The following ADAMTS6 variants were observed in gnomAD, a reference collection of about 807,000 sequenced individuals.
ADAMTS6 encodes the protein ADAM metallopeptidase with thrombospondin type 1 motif 6, also known as A disintegrin and metalloproteinase with thrombospondin motifs 6.
Under a neutral mutation model 144.3 loss-of-function variants are expected in ADAMTS6, and 23 were observed. The ratio of observed to expected loss-of-function variants is 0.16; its 90% CI spans 0.11 to 0.23. ADAMTS6 has a LOEUF of 0.23. Ranked by LOEUF, ADAMTS6 falls within the 10% of genes least tolerant of loss-of-function variation. ADAMTS6 has a pLI of 1.00. For synonymous variants in ADAMTS6, 444 were observed against 457.5 expected (o/e 0.97, Z 0.38); for missense variants, 999 against 1,379.6 (o/e 0.72, Z 4.37).
At chr5:65,333,865 A>C (rs1422016625) in intron 8 of ADAMTS6, among the ~76,000 whole-genome samples, 177 bp downstream of exon 8, 1 of 151,338 alleles carries the variant, frequency 6.6e-6, no homozygotes, top group Non-Finnish European at 1.5e-5. Context: ...TTTCCTAGTA[A>C]ATGACATATC....
intron 7 of ADAMTS6, among the ~76,000 whole-genome samples, chr5:65,357,307 C>T (rs1749408894): frequency 1.3e-5 from 2 of 151,730 alleles, no homozygotes; most frequent in Admixed American, 6.6e-5. Flanking sequence ...CACATTCTTA[C>T]ATTTGTAAGA....
intron 14 of ADAMTS6, among the ~76,000 whole-genome samples, chr5:65,256,899 C>T (rs958439945): frequency 6.6e-6 from 1 of 151,626 alleles, no homozygotes; most frequent in Non-Finnish European, 1.5e-5. Flanking sequence ...GAGATTCACA[C>T]CGTTCATCCA....
At chr5:65,426,164 G>A (rs574541858) in intron 7 of ADAMTS6, among the ~76,000 whole-genome samples, 3 of 150,408 alleles carry the variant, frequency 2.0e-5, no homozygotes, top group African/African-American at 4.9e-5. Flanking sequence ...CTCCTGCCTC[G>A]GCCTCCCAAG....
At chr5:65,251,294 G>C (rs7713380) in intron 14 of ADAMTS6, 1 of 151,964 alleles carries the variant, frequency 6.6e-6, no homozygotes, top group Non-Finnish European at 1.5e-5. Flanking sequence ...ATCTCTATGT[G>C]CAAAAACGAG....
At chr5:65,467,908 A>G (rs906086849) in intron 3 of ADAMTS6, among the ~76,000 whole-genome samples, 4 of 152,226 alleles carry the variant, frequency 2.6e-5, no homozygotes, top group Admixed American at 6.5e-5. Flanking sequence ...AATTAATTAA[A>G]TGGCTCCATG....
intron 9 of ADAMTS6, 129 bp from the exon 10 acceptor site, chr5:65,300,260 CTA>C: frequency 1.3e-6 from 1 of 748,746 alleles, no homozygotes; most frequent in Non-Finnish European, 2.1e-6. Flanking sequence ...GCCAGATCCT[CTA>C]AAGAAATTTA....
chr5:65,419,174 A>C (rs1034016628), intron 7 of ADAMTS6, among the ~76,000 whole-genome samples: 2 of 152,234 alleles, frequency 1.3e-5, no homozygotes, highest in Non-Finnish European at 2.9e-5. Context: ...GACTGGATAA[A>C]GAAAATGTGG....
chr5:65,176,916 G>T (rs957328450), intron 22 of ADAMTS6, among the ~76,000 whole-genome samples: 2 of 152,196 alleles, frequency 1.3e-5, no homozygotes, highest in Non-Finnish European at 2.9e-5. Flanking sequence ...AAAGTCCACT[G>T]CTGATGTCCC....
chr5:65,174,493 C>T (rs1457098083), intron 22 of ADAMTS6, among the ~76,000 whole-genome samples: 1 of 152,160 alleles, frequency 6.6e-6, no homozygotes, highest in Non-Finnish European at 1.5e-5. Context: ...GGCAGGCCCC[C>T]GTGGACGATC....
At chr5:65,219,463 C>A (rs1292627076) in intron 18 of ADAMTS6, among the ~76,000 whole-genome samples, 1 of 152,138 alleles carries the variant, frequency 6.6e-6, no homozygotes, top group Non-Finnish European at 1.5e-5. Context: ...ATTTTAAAGA[C>A]AGACGTACCT....
At chr5:65,370,179 G>A (rs2150117499) in intron 7 of ADAMTS6, among the ~76,000 whole-genome samples, 1 of 152,308 alleles carries the variant, frequency 6.6e-6, no homozygotes, top group Non-Finnish European at 1.5e-5. Context: ...GGAGGCTGAG[G>A]CAGGTGGATC....
intron 22 of ADAMTS6, among the ~76,000 whole-genome samples, chr5:65,184,279 G>A (rs576988160): frequency 4.6e-5 from 7 of 152,278 alleles, no homozygotes; most frequent in Admixed American, 4.6e-4. Context: ...CACTTGTAAA[G>A]GACAGAAACA....
chr5:65,181,969 G>C (rs889042677), intron 22 of ADAMTS6, among the ~76,000 whole-genome samples: 2 of 152,108 alleles, frequency 1.3e-5, no homozygotes, highest in African/African-American at 2.4e-5. Context: ...TTTTCCAGTG[G>C]CAAGAAGCTT....
intron 12 of ADAMTS6, among the ~76,000 whole-genome samples, chr5:65,269,660 T>C (rs924346555): frequency 2.6e-5 from 4 of 152,198 alleles, no homozygotes; most frequent in Non-Finnish European, 5.9e-5. Flanking sequence ...AATTTAGGGC[T>C]AGTAAGTCTT....
intron 7 of ADAMTS6, among the ~76,000 whole-genome samples, chr5:65,420,987 G>A (rs1441292736): frequency 6.6e-6 from 1 of 152,096 alleles, no homozygotes; most frequent in Admixed American, 6.5e-5. Context: ...CTTGAAAAAA[G>A]CAGATGTTTG....
intron 24 of ADAMTS6, among the ~76,000 whole-genome samples, chr5:65,166,903 A>G (rs1428528186): frequency 7.1e-6 from 1 of 140,002 alleles, no homozygotes; most frequent in Non-Finnish European, 1.6e-5. Context: ...GGAAATTTAT[A>G]GCACTAAATG....
rs1261894280 is a variant in ADAMTS6, at chr5:65,164,510, G to A, written c.3244+6107C>T. 9.3e-5 allele frequency among the ~76,000 whole-genome samples: 12 copies of A among 129,266 alleles called. No homozygotes were observed. The East Asian group carries it at 1.5e-3, about 16-fold the overall frequency. The allele number at this position is 129,266 out of a possible 152,430, so 84.8% of individuals were successfully genotyped here. On this transcript the variant is annotated intron_variant, in intron 24 of 24. Transcript: ENST00000381055. The stretch of plus-strand genomic sequence containing the variant: ...GGTAAACAAAGCAGCCGGGAAGCTC[G>A]AACTGGGTGGAGCCCACCACAGCTC...
intron 1 of ADAMTS6, among the ~76,000 whole-genome samples, chr5:65,476,181 C>T (rs1265185943): frequency 6.6e-6 from 1 of 152,168 alleles, no homozygotes; most frequent in East Asian, 1.9e-4. Context: ...GGCCCTCAGT[C>T]CAACAGCATG....
intron 7 of ADAMTS6, among the ~76,000 whole-genome samples, chr5:65,371,916 T>C (rs959283530): frequency 7.2e-5 from 11 of 152,082 alleles, no homozygotes; most frequent in Non-Finnish European, 1.5e-5. Flanking sequence ...AGACTAACAG[T>C]GGACCTCTCG....
Sources: allele counts gnomAD v4.1 joint callset (sites outside exome capture counted in the v4.1 genomes callset), GRCh38; gene constraint gnomAD v4.1.1; transcripts MANE v1.5; gene names NCBI Gene and HGNC (gene_info 2026-07-23, HGNC 2026-07-21).